The following ADCY3 variants were observed in gnomAD, a reference collection of about 807,000 sequenced individuals.
ADCY3 encodes the protein adenylate cyclase 3.
Under a neutral mutation model 119.4 loss-of-function variants are expected in ADCY3, and 70 were observed. The ratio of observed to expected loss-of-function variants is 0.59; its 90% CI spans 0.48 to 0.72. The LOEUF (loss-of-function observed/expected upper bound fraction) is 0.72. Ranked by LOEUF, ADCY3 falls within the 30% of genes least tolerant of loss-of-function variation. ADCY3 has a pLI of 0.00. For synonymous variants in ADCY3, 672 were observed against 621.4 expected, an observed-to-expected ratio of 1.08 and a Z score of -1.21; for missense variants, 1,238 against 1,541.6, an observed-to-expected ratio of 0.80 and a Z score of 3.30.
At chr2:24,904,265 C>T (rs1393660487) in intron 2 of ADCY3, among the ~76,000 whole-genome samples, 1 of 152,224 alleles carries the variant, frequency 6.6e-6, no homozygotes, top group Non-Finnish European at 1.5e-5. Context: ...TGTGGTGGCT[C>T]ACGCCTGTAA....
intron 2 of ADCY3, among the ~76,000 whole-genome samples, chr2:24,897,011 G>A (rs537885485): frequency 6.6e-6 from 1 of 152,240 alleles, no homozygotes; most frequent in Non-Finnish European, 1.5e-5. Flanking sequence ...GCTCCTAGTT[G>A]TTTACAGTGG....
At chr2:24,854,566 G>T (rs1375228384) in intron 3 of ADCY3, among the ~76,000 whole-genome samples, 1 of 152,200 alleles carries the variant, frequency 6.6e-6, no homozygotes, top group Admixed American at 6.5e-5. Flanking sequence ...TGGGACAAGT[G>T]GCTCGTGGCT....
intron 3 of ADCY3, among the ~76,000 whole-genome samples, chr2:24,857,278 G>A (rs2148699449): frequency 6.6e-6 from 1 of 152,372 alleles, no homozygotes; most frequent in Admixed American, 6.5e-5. Flanking sequence ...TGGGCCCAAA[G>A]ATGGCCACGT....
intron 3 of ADCY3, among the ~76,000 whole-genome samples, chr2:24,851,403 T>C: frequency 6.6e-6 from 1 of 152,172 alleles, no homozygotes; most frequent in East Asian, 1.9e-4. Flanking sequence ...ATCATCCCTC[T>C]CCTTTGCTAA....
intron 2 of ADCY3, among the ~76,000 whole-genome samples, chr2:24,880,665 C>A (rs1044972320): frequency 2.6e-5 from 4 of 152,300 alleles, no homozygotes; most frequent in African/African-American, 7.2e-5. Context: ...AGACAGCTGG[C>A]CCTAGTTCTT....
intron 2 of ADCY3, among the ~76,000 whole-genome samples, chr2:24,907,247 G>A: frequency 6.6e-6 from 1 of 151,454 alleles, no homozygotes; most frequent in East Asian, 1.9e-4. Context: ...ATAGGCAGCT[G>A]TCGCAGTCTT....
chr2:24,892,251 GTC>G (rs1287369992), intron 2 of ADCY3, among the ~76,000 whole-genome samples: 1 of 120,346 alleles, frequency 8.3e-6, no homozygotes, highest in Non-Finnish European at 1.6e-5. Flanking sequence ...AGTGTATTGA[GTC>G]TTTTTTTTTT....
chr2:24,844,325 G>T (rs1443361845), intron 3 of ADCY3, among the ~76,000 whole-genome samples: 1 of 152,044 alleles, frequency 6.6e-6, no homozygotes, highest in Non-Finnish European at 1.5e-5. Context: ...CTGGGTCCTG[G>T]GTGGCCAGAA....
At chr2:24,906,869 G>A (rs900662374) in intron 2 of ADCY3, among the ~76,000 whole-genome samples, 12 of 152,140 alleles carry the variant, frequency 7.9e-5, no homozygotes, top group African/African-American at 2.2e-4. Context: ...GGTGGCTCAC[G>A]CCTATAATCT....
At chr2:24,914,970 C>A (rs1210806459) in intron 2 of ADCY3, among the ~76,000 whole-genome samples, 1 of 152,208 alleles carries the variant, frequency 6.6e-6, no homozygotes, top group Non-Finnish European at 1.5e-5. Context: ...TGGCCTCCTG[C>A]GAGGAGCCCA....
intron 3 of ADCY3, among the ~76,000 whole-genome samples, chr2:24,851,747 T>C (rs1240663764): frequency 1.3e-5 from 2 of 152,244 alleles, no homozygotes; most frequent in Non-Finnish European, 2.9e-5. Flanking sequence ...TTAAAACTTC[T>C]ACTTATCTGA....
At chr2:24,821,736 TAC>T in intron 19 of ADCY3, 96 bp from the exon 20 acceptor site, 1 of 1,515,836 alleles carries the variant, frequency 6.6e-7, no homozygotes, top group Non-Finnish European at 8.9e-7. Context: ...GTGGATTCCC[TAC>T]ACCTAGATGT....
At chr2:24,863,599 T>G (rs535602496) in intron 3 of ADCY3, among the ~76,000 whole-genome samples, 4 of 152,334 alleles carry the variant, frequency 2.6e-5, no homozygotes, top group East Asian at 3.9e-4. Context: ...GTTGGCCAGG[T>G]TGGTCTTGAG....
chr2:24,828,730 C>T (rs953534614), intron 13 of ADCY3, among the ~76,000 whole-genome samples: 4 of 152,250 alleles, frequency 2.6e-5, no homozygotes, highest in African/African-American at 9.6e-5. Context: ...ACCCACAGGG[C>T]AACCTTGTCT....
At chr2:24,823,491 C>CTTTT in intron 17 of ADCY3, 136 bp from the exon 18 acceptor site, 1 of 780,962 alleles carries the variant, frequency 1.3e-6, no homozygotes, top group Non-Finnish European at 1.8e-6. Context: ...ATTATTCCAG[C>CTTTT]ATTTTTTTTT....
In ADCY3 at chr2:24,834,552, C is replaced by A; in HGVS notation, c.1900G>T (p.Ala634Ser). ...YSVEKEKQSGAAFSCSCVVLL... is the reference protein window; with the variant it reads ...YSVEKEKQSGSAFSCSCVVLL... Reference sequence around the variant, plus strand: ...ACGACGCAGGAGCAGCTGAAGGCAGCCCCACTCTGCTTCTCCTTCTCCACC... The same window carrying A: ...ACGACGCAGGAGCAGCTGAAGGCAGACCCACTCTGCTTCTCCTTCTCCACC... Residue 634 changes from alanine to serine, a missense_variant, in exon 11 of 22, where the codon GCT (alanine) becomes TCT (serine). Around this residue, in one of 7 missense-constraint regions of ADCY3, gnomAD observed 499 missense variants for 571.0 expected, o/e 0.87. Transcript: ENST00000679454. The surrounding 1 kb of genome is among the most constrained non-coding windows in gnomAD (Gnocchi z 4.2). 1 of 1,613,970 alleles carries A rather than the reference C, an allele frequency of 6.2e-7. No homozygotes were observed. The highest frequency in any genetic ancestry group is 8.5e-7 in the Non-Finnish European group (1 of 1,180,012).
rs1675078928 is a variant in ADCY3 at position 24,872,018 on chromosome 2, G to GGA, written c.825+550_825+551dup. ...GACCTCAGATGGGAAGGTAAGGGAG[G>GGA]GAGGAGCTCCCCTGAGTGGGGGTGT... On this transcript the variant is annotated intron_variant, in intron 3 of 21. Transcript: ENST00000679454. This position sits in a 1 kb window ranked among gnomAD's most constrained non-coding sequence, Gnocchi z 4.4. Among the ~76,000 whole-genome samples the GGA allele has an allele frequency of 6.6e-6, 1 of 152,186 alleles. No homozygotes were observed. The highest frequency in any genetic ancestry group is 6.5e-5 in the Admixed American group (1 of 15,284).
At chr2:24,820,876 AGCCACAG>A (rs778942095) in intron 20 of ADCY3, 28 bp from the exon 21 acceptor site, 10 of 1,611,702 alleles carry the variant, frequency 6.2e-6, no homozygotes, top group Non-Finnish European at 8.5e-6. Flanking sequence ...AGTTCAGCAC[AGCCACAG>A]GCCACACCTT....
chr2:24,906,168 G>A (rs533435625), intron 2 of ADCY3, among the ~76,000 whole-genome samples: 23 of 152,174 alleles, frequency 1.5e-4, no homozygotes, highest in East Asian at 7.7e-4. Context: ...CTAGCCAGTC[G>A]TGGTGGTGCA....
Sources: gnomAD v4.1 joint callset for allele counts (sites outside exome capture counted in the v4.1 genomes callset) on GRCh38, gnomAD v4.1.1 for gene constraint, gnomAD v4.1.1 regional missense constraint, Gnocchi (gnomAD v3.1) non-coding constraint, MANE v1.5 for transcripts, NCBI Gene and HGNC (gene_info 2026-07-23, HGNC 2026-07-21) for gene names.